MYO10: variants seen among roughly 807,000 people sequenced by gnomAD.
MYO10 encodes myosin X, also known as unconventional myosin-X.
A neutral mutation model predicts 257.3 loss-of-function variants in MYO10; 133 were observed. The ratio of observed to expected loss-of-function variants is 0.52; its 90% CI spans 0.45 to 0.60. The LOEUF (loss-of-function observed/expected upper bound fraction) is 0.60. MYO10 is among the 20% of genes least tolerant of loss of function. MYO10 has a pLI of 0.00. For missense variants in MYO10, 2,399 were observed against 2,635.7 expected (o/e 0.91, Z 1.97); for synonymous variants, 1,104 against 1,028.6 (o/e 1.07, Z -1.40).
chr5:16,789,213 C>T (rs1352061648), intron 4 of MYO10, among the ~76,000 whole-genome samples: 2 of 152,244 alleles, frequency 1.3e-5, no homozygotes, highest in Non-Finnish European at 2.9e-5. Flanking sequence ...TGCTTTCACA[C>T]TACAAGGGCA....
At chr5:16,821,675 C>G (rs1047876715) in intron 2 of MYO10, among the ~76,000 whole-genome samples, 6 of 151,552 alleles carry the variant, frequency 4.0e-5, no homozygotes, top group African/African-American at 1.5e-4. Context: ...ACTGTGTTAG[C>G]CAGGATGGTC....
At chr5:16,742,101 G>A (rs1579938127) in intron 19 of MYO10, 1 of 985,318 alleles carries the variant, frequency 1.0e-6, no homozygotes, top group Non-Finnish European at 1.2e-6. Context: ...ACATTTCAGG[G>A]CCCAAAGATT....
At chr5:16,905,407 G>A (rs1404350100) in intron 1 of MYO10, among the ~76,000 whole-genome samples, 1 of 152,140 alleles carries the variant, frequency 6.6e-6, no homozygotes, top group African/African-American at 2.4e-5. Flanking sequence ...CTCAACAGAA[G>A]AGAGGGCAGG....
At position 16,663,324 on chromosome 5, in the gene MYO10, AGTTGTTTTTTTTTTTTTTTTTT is replaced by A. The variant is rs1561158356; in HGVS notation, c.*3346_*3367del. On this transcript the variant is annotated 3_prime_UTR_variant, in exon 41 of 41. Transcript: ENST00000513610. The stretch of plus-strand genomic sequence containing the variant: ...TGGAAAAAAGTAACATTTTACTTCT[AGTTGTTTTTTTTTTTTTTTTTT>A]TTTTTTTTTTTTTTTTTTTTTACAA... 2 of 61,460 alleles carry A rather than the reference AGTTGTTTTTTTTTTTTTTTTTT, an allele frequency of 3.3e-5. No homozygotes were observed. Among genetic ancestry groups the A allele is most frequent in the African/African-American group, 1.7e-4 (2 of 11,570 alleles). 3.8% of individuals were successfully genotyped at this position (61,460 alleles called of 1,614,324 possible).
intron 22 of MYO10, among the ~76,000 whole-genome samples, chr5:16,704,173 TA>T (rs1400276047): frequency 6.6e-6 from 1 of 151,752 alleles, no homozygotes; most frequent in African/African-American, 2.4e-5. Flanking sequence ...AATTTTTTTT[TA>T]ATTAGCCAGG....
chr5:16,809,895 G>A (rs1464476318), intron 3 of MYO10, among the ~76,000 whole-genome samples: 5 of 152,128 alleles, frequency 3.3e-5, no homozygotes, highest in African/African-American at 9.7e-5. Flanking sequence ...GGCGACCGCT[G>A]AAGTTCCCTG....
intron 27 of MYO10, 55 bp from the exon 28 acceptor site, chr5:16,689,974 C>T (rs369195882): frequency 6.2e-6 from 8 of 1,297,178 alleles, no homozygotes; most frequent in African/African-American, 2.9e-5. Context: ...TTCTGAATAA[C>T]TGAGGAAAGC....
intron 1 of MYO10, among the ~76,000 whole-genome samples, chr5:16,929,423 C>T (rs1261988356): frequency 2.0e-5 from 3 of 152,098 alleles, no homozygotes; most frequent in Admixed American, 6.5e-5. Flanking sequence ...GAAGATGACG[C>T]AAGTTTAAGG....
intron 17 of MYO10, among the ~76,000 whole-genome samples, chr5:16,758,708 T>C (rs1054741551): frequency 2.6e-5 from 4 of 152,188 alleles, no homozygotes; most frequent in African/African-American, 9.6e-5. Context: ...GGGCAAGATG[T>C]TTCATCTCTC....
At chr5:16,703,742 T>C (rs140851404) in intron 22 of MYO10, among the ~76,000 whole-genome samples, 2,396 of 151,798 alleles carry the variant, frequency 0.016, 53 homozygotes, top group African/African-American at 0.054. Context: ...ATTAGCCAGG[T>C]GTGGTGGCAT....
chr5:16,686,174 T>C (rs1737244640), intron 28 of MYO10, among the ~76,000 whole-genome samples: 1 of 152,150 alleles, frequency 6.6e-6, no homozygotes, highest in African/African-American at 2.4e-5. Flanking sequence ...CTACCCAAAA[T>C]ACTTATATCA....
chr5:16,798,363 G>A (rs1241900341), intron 3 of MYO10, among the ~76,000 whole-genome samples: 1 of 147,434 alleles, frequency 6.8e-6, no homozygotes, highest in African/African-American at 2.5e-5. Flanking sequence ...AGAAAAAAAA[G>A]ATCTGGTGCT....
intron 1 of MYO10, among the ~76,000 whole-genome samples, chr5:16,908,745 T>G (rs927491253): frequency 6.6e-6 from 1 of 152,198 alleles, no homozygotes; most frequent in African/African-American, 2.4e-5. Context: ...TTTGTTACAA[T>G]GCATTTTACA....
intron 4 of MYO10, among the ~76,000 whole-genome samples, chr5:16,789,128 A>C (rs1741678406): frequency 6.6e-6 from 1 of 152,218 alleles, no homozygotes; most frequent in Non-Finnish European, 1.5e-5. Flanking sequence ...AATGGTCCTC[A>C]ACTCTGACCT....
At chr5:16,732,904 T>G (rs1478495437) in intron 19 of MYO10, among the ~76,000 whole-genome samples, 2 of 152,020 alleles carry the variant, frequency 1.3e-5, no homozygotes, top group African/African-American at 4.8e-5. Flanking sequence ...GAGGCCGAGG[T>G]GCGCAGATCA....
intron 8 of MYO10, among the ~76,000 whole-genome samples, chr5:16,779,924 CAG>C (rs779126171): frequency 2.6e-5 from 4 of 152,124 alleles, no homozygotes; most frequent in Non-Finnish European, 4.4e-5. Flanking sequence ...TTTAATGAAA[CAG>C]AGTCTAGCTC....
chr5:16,763,962 T>C (rs567772825), intron 12 of MYO10, among the ~76,000 whole-genome samples: 11 of 152,104 alleles, frequency 7.2e-5, no homozygotes, highest in Non-Finnish European at 1.3e-4. Context: ...CTGACCAGCA[T>C]GGTGCAACCC....
intron 2 of MYO10, among the ~76,000 whole-genome samples, chr5:16,863,580 ATGAC>A (rs1453972775): frequency 1.3e-5 from 2 of 152,222 alleles, no homozygotes; most frequent in Non-Finnish European, 2.9e-5. Flanking sequence ...TGGTTTCAAT[ATGAC>A]TGTTGAAATA....
Position 16,671,408 on chromosome 5 carries a change from A to G in MYO10, c.5430+14T>C. 1 of 1,613,634 alleles carries G rather than the reference A, an allele frequency of 6.2e-7. No individual in the cohort carries two copies. Among genetic ancestry groups the G allele is most frequent in the Non-Finnish European group, 8.5e-7 (1 of 1,179,738 alleles). Reference sequence around the variant, plus strand: ...TTGCCGGCAAAGAAATCTGTTTCTAACTATTCCTTTTACCTGTTCAAACAT... The same window carrying G: ...TTGCCGGCAAAGAAATCTGTTTCTAGCTATTCCTTTTACCTGTTCAAACAT... On this transcript the variant is annotated intron_variant, in intron 38 of 40. Transcript: ENST00000513610.
Sources: allele counts gnomAD v4.1 joint callset (sites outside exome capture counted in the v4.1 genomes callset), GRCh38; gene constraint gnomAD v4.1.1; transcripts MANE v1.5; gene names NCBI Gene and HGNC (gene_info 2026-07-23, HGNC 2026-07-21).